RAB8B: variants seen among roughly 807,000 people sequenced by gnomAD.
RAB8B encodes the protein ras-related protein Rab-8B.
In RAB8B, 11 loss-of-function variants were observed where a neutral mutation model predicts 32.0. The observed-to-expected ratio is 0.34, with a 90% confidence interval of 0.22 to 0.57. The LOEUF is 0.57. Ranked by LOEUF, RAB8B falls within the 20% of genes least tolerant of loss-of-function variation. The pLI, the probability that RAB8B is intolerant of heterozygous loss-of-function variation, is 0.86. For missense variants in RAB8B, 190 were observed against 258.5 expected, an observed-to-expected ratio of 0.73 and a Z score of 1.82; for synonymous variants, 103 against 89.6, an observed-to-expected ratio of 1.15 and a Z score of -0.85.
At chr15:63,224,273 C>A (rs902248944) in intron 1 of RAB8B, among the ~76,000 whole-genome samples, 1 of 152,076 alleles carries the variant, frequency 6.6e-6, no homozygotes, top group South Asian at 2.1e-4. Context: ...AATATTCATC[C>A]CATGTTGGAA....
At chr15:63,217,186 C>T (rs1421790684) in intron 1 of RAB8B, among the ~76,000 whole-genome samples, 7 of 152,052 alleles carry the variant, frequency 4.6e-5, no homozygotes, top group Admixed American at 3.9e-4. Flanking sequence ...AAATGTACTT[C>T]GAAGAGACTA....
rs190708429 is a variant in RAB8B at position 63,226,573 on chromosome 15, A to G, written c.125-18183A>G. ...AAATTCATGCCAAGATCTGCCGTCTATGGTTGTGATCTGTTCCTAAAATGG... is the reference window on the plus strand; with the variant it reads ...AAATTCATGCCAAGATCTGCCGTCTGTGGTTGTGATCTGTTCCTAAAATGG... On this transcript the variant is annotated intron_variant, in intron 1 of 7. Coordinates refer to ENST00000321437, the MANE Select transcript of RAB8B (RefSeq NM_016530.3). Among the ~76,000 whole-genome samples, 1,051 of 152,244 alleles carry G rather than the reference A, an allele frequency of 6.9e-3. 4 individuals are homozygous for G. The highest frequency in any genetic ancestry group is 0.011 in the Admixed American group (171 of 15,296).
Position 63,265,419 on chromosome 15 carries a change from G to A in RAB8B, c.*1800G>A, listed in dbSNP as rs1166912454. The A allele has an allele frequency of 6.7e-6, 1 of 150,200 alleles. No homozygotes were observed. Among genetic ancestry groups the A allele is most frequent in the Non-Finnish European group, 1.5e-5 (1 of 67,622 alleles). 9.3% of individuals were successfully genotyped at this position (150,200 alleles called of 1,614,324 possible). A position where few individuals can be genotyped will look rare whatever the true frequency, so the allele number is the denominator to read the frequency against. ...TTACCTATAGGCTTAAAAGTCATTCGTTGCTGTTCTAGTATAATTAGTAGT... is the reference window on the plus strand; with the variant it reads ...TTACCTATAGGCTTAAAAGTCATTCATTGCTGTTCTAGTATAATTAGTAGT... On this transcript the variant is annotated 3_prime_UTR_variant, in exon 8 of 8. Transcript: ENST00000321437. The surrounding 1 kb of genome is among the most constrained non-coding windows in gnomAD (Gnocchi z 4.9).
chr15:63,217,183 C>G (rs2037799837), intron 1 of RAB8B, among the ~76,000 whole-genome samples: 1 of 152,130 alleles, frequency 6.6e-6, no homozygotes, highest in African/African-American at 2.4e-5. Context: ...TTCAAATGTA[C>G]TTCGAAGAGA....
intron 1 of RAB8B, among the ~76,000 whole-genome samples, chr15:63,208,463 T>A (rs894992): frequency 0.057 from 8,661 of 152,118 alleles, 759 homozygotes; most frequent in African/African-American, 0.19. Context: ...ATTCTTGCTA[T>A]TTTTTTTCTC....
chr15:63,259,716 T>G lies in RAB8B; in HGVS notation c.480+24T>G. On this transcript the variant is annotated intron_variant, in intron 6 of 7. Coordinates refer to ENST00000321437, the MANE Select transcript of RAB8B (RefSeq NM_016530.3). This position sits in a 1 kb window ranked among gnomAD's most constrained non-coding sequence, Gnocchi z 4.4. Reference sequence around the variant, plus strand: ...AGGTAAGAAGGAAACGTTTGGTGACTGTTACGGAGCAGCACCAGTGCTTAG... The same window carrying G: ...AGGTAAGAAGGAAACGTTTGGTGACGGTTACGGAGCAGCACCAGTGCTTAG... 6.2e-7 allele frequency: 1 copy of G among 1,602,910 alleles called. No individual in the cohort carries two copies. Among genetic ancestry groups the G allele is most frequent in the Non-Finnish European group, 8.5e-7 (1 of 1,169,854 alleles).
intron 1 of RAB8B, among the ~76,000 whole-genome samples, chr15:63,233,308 C>T (rs1197606543): frequency 1.3e-5 from 2 of 152,044 alleles, no homozygotes; most frequent in Non-Finnish European, 2.9e-5. Flanking sequence ...AAGTGATCCT[C>T]CCACCTCAGC....
chr15:63,253,161 T>A (rs2038130923), intron 3 of RAB8B, among the ~76,000 whole-genome samples: 1 of 151,960 alleles, frequency 6.6e-6, no homozygotes, highest in African/African-American at 2.4e-5. Context: ...GATAGAGGAG[T>A]TGTTTGTCAT....
Position 63,241,739 on chromosome 15 carries a change from G to C in RAB8B, c.125-3017G>C, listed in dbSNP as rs373394857. On this transcript the variant is annotated intron_variant, in intron 1 of 7. Transcript: ENST00000321437. ...ATGTATTGAGTACATACCAGGTTTT[G>C]GGCATTGTTCTTGATGCCAGGCCCA... 7.5e-4 allele frequency among the ~76,000 whole-genome samples: 114 copies of C among 152,152 alleles called. No homozygotes were observed. The Middle Eastern group carries it at 0.014, about 18-fold the overall frequency.
chr15:63,213,751 A>G (rs567444599), intron 1 of RAB8B, among the ~76,000 whole-genome samples: 8 of 152,228 alleles, frequency 5.3e-5, no homozygotes, highest in Middle Eastern at 3.4e-3. Context: ...TTTTCCATTT[A>G]TTTCCATCGC....
chr15:63,234,132 T>C (rs923171376), intron 1 of RAB8B, among the ~76,000 whole-genome samples: 7 of 152,142 alleles, frequency 4.6e-5, no homozygotes, highest in African/African-American at 1.7e-4. Flanking sequence ...AGACCCAAGA[T>C]AGTACTCAAA....
At chr15:63,192,250 C>G (rs2037561908) in intron 1 of RAB8B, among the ~76,000 whole-genome samples, 2 of 152,324 alleles carry the variant, frequency 1.3e-5, no homozygotes, top group South Asian at 2.1e-4. Context: ...AAACCTAATG[C>G]TCTGCAGTCA....
At chr15:63,203,578 G>A (rs1037854130) in intron 1 of RAB8B, among the ~76,000 whole-genome samples, 10 of 152,158 alleles carry the variant, frequency 6.6e-5, no homozygotes, top group African/African-American at 1.7e-4. Flanking sequence ...AATCTTTGGG[G>A]GCTTCATTGT....
intron 1 of RAB8B, among the ~76,000 whole-genome samples, chr15:63,210,225 G>A (rs1182195815): frequency 6.6e-6 from 1 of 152,064 alleles, no homozygotes; most frequent in Admixed American, 6.5e-5. Context: ...TTTTCCCCAG[G>A]TAAGAGGCTA....
At chr15:63,213,240 T>A (rs553919143) in intron 1 of RAB8B, among the ~76,000 whole-genome samples, 2 of 152,362 alleles carry the variant, frequency 1.3e-5, no homozygotes, top group African/African-American at 4.8e-5. Flanking sequence ...GACTTCTTCC[T>A]TCAAATAAAA....
At chr15:63,237,916 C>A (rs1314341842) in intron 1 of RAB8B, among the ~76,000 whole-genome samples, 1 of 152,010 alleles carries the variant, frequency 6.6e-6, no homozygotes, top group African/African-American at 2.4e-5. Flanking sequence ...TTGTATATGG[C>A]AAGAGGTGGG....
intron 5 of RAB8B, among the ~76,000 whole-genome samples, chr15:63,258,762 T>C (rs1158793018): frequency 6.6e-6 from 1 of 152,158 alleles, no homozygotes; most frequent in Non-Finnish European, 1.5e-5. Context: ...CCAGTTTGAT[T>C]GGTTGCAGAA....
At chr15:63,246,849 C>T (rs1401745637) in intron 2 of RAB8B, among the ~76,000 whole-genome samples, 1 of 152,168 alleles carries the variant, frequency 6.6e-6, no homozygotes, top group Admixed American at 6.5e-5. Flanking sequence ...AACAGGAGCC[C>T]CAGCCACCAG....
In RAB8B at chr15:63,262,729, T is replaced by C. The variant is rs1463109450; in HGVS notation, c.518T>C (p.Leu173Pro). The change falls in exon 7 of 8, where the codon CTC (leucine) becomes CCC (proline). Residue 173 changes from leucine (L) to proline (P), a missense_variant. Coordinates refer to ENST00000321437, the MANE Select transcript of RAB8B (RefSeq NM_016530.3). ...FTLARDIMTKLNRKMNDSNSA... is the reference protein window; with the variant it reads ...FTLARDIMTKPNRKMNDSNSA... ...CTTGCACGAGATATAATGACAAAAC[T>C]CAACAGAAAAATGGTTTGTATCACT... 1.4e-6 allele frequency: 2 copies of C among 1,457,396 alleles called. No homozygotes were observed. The highest frequency in any genetic ancestry group is 1.5e-5 in the African/African-American group (1 of 67,560). 90.3% of individuals were successfully genotyped at this position (1,457,396 alleles called of 1,614,324 possible). A position where few individuals can be genotyped will look rare whatever the true frequency, so the allele number is the denominator to read the frequency against.
Sources: allele counts gnomAD v4.1 joint callset (sites outside exome capture counted in the v4.1 genomes callset), GRCh38; gene constraint gnomAD v4.1.1; non-coding constraint Gnocchi (gnomAD v3.1); transcripts MANE v1.5; gene names NCBI Gene and HGNC (gene_info 2026-07-23, HGNC 2026-07-21).